SRGAP1: variants seen among roughly 807,000 people sequenced by gnomAD.
SRGAP1 encodes the protein SLIT-ROBO Rho GTPase activating protein 1, also known as SLIT-ROBO Rho GTPase-activating protein 1.
Under a neutral mutation model 121.9 loss-of-function variants are expected in SRGAP1, and 43 were observed. The observed-to-expected ratio is 0.35, with a 90% CI of 0.28 to 0.46. SRGAP1 has a LOEUF of 0.46. SRGAP1 is among the 20% of genes least tolerant of loss of function. SRGAP1 has a pLI of 1.00. For synonymous variants in SRGAP1, 447 were observed against 485.4 expected, an observed-to-expected ratio of 0.92 and a Z score of 1.04; for missense variants, 1,102 against 1,350.9, an observed-to-expected ratio of 0.82 and a Z score of 2.89.
intron 3 of SRGAP1, among the ~76,000 whole-genome samples, chr12:64,002,393 C>T (rs996225256): frequency 6.6e-6 from 1 of 152,186 alleles, no homozygotes; most frequent in African/African-American, 2.4e-5. Context: ...GTCTGTCCTG[C>T]TGCCACTTGG....
At chr12:63,954,552 C>T (rs1303412019) in intron 1 of SRGAP1, among the ~76,000 whole-genome samples, 1 of 151,798 alleles carries the variant, frequency 6.6e-6, no homozygotes, top group African/African-American at 2.4e-5. Context: ...GTGGTGGGTG[C>T]CTGTAGTCCC....
At chr12:63,892,961 G>A (rs573936064) in intron 1 of SRGAP1, among the ~76,000 whole-genome samples, 109 of 152,252 alleles carry the variant, frequency 7.2e-4, no homozygotes, top group Non-Finnish European at 1.3e-3. Flanking sequence ...CTATGCCCTT[G>A]ATTGCATGCC....
chr12:64,033,024 A>G (rs2034816546), intron 4 of SRGAP1, among the ~76,000 whole-genome samples: 1 of 151,998 alleles, frequency 6.6e-6, no homozygotes, highest in South Asian at 2.1e-4. Flanking sequence ...CCCAAAAAAG[A>G]AAAAAAATGC....
At chr12:64,103,061 C>T (rs2036284413) in intron 15 of SRGAP1, among the ~76,000 whole-genome samples, 1 of 152,194 alleles carries the variant, frequency 6.6e-6, no homozygotes, top group Non-Finnish European at 1.5e-5. Flanking sequence ...TCACAGCTCA[C>T]TGCAACCTCC....
intron 1 of SRGAP1, among the ~76,000 whole-genome samples, chr12:63,902,574 A>G (rs1324299454): frequency 2.0e-5 from 3 of 152,176 alleles, no homozygotes; most frequent in Admixed American, 6.5e-5. Flanking sequence ...TCTTCCCTAA[A>G]ATGATGGACT....
chr12:64,112,527 G>A (rs2036446614), intron 17 of SRGAP1, among the ~76,000 whole-genome samples: 1 of 151,988 alleles, frequency 6.6e-6, no homozygotes, highest in Non-Finnish European at 1.5e-5. Context: ...TTTTTAGCAT[G>A]GCAATATTGC....
At chr12:64,101,965 A>G (rs59329353) in intron 15 of SRGAP1, among the ~76,000 whole-genome samples, 7,271 of 152,306 alleles carry the variant, frequency 0.048, 317 homozygotes, top group South Asian at 0.13. Context: ...AATGCACAAA[A>G]GCACATAGAA....
intron 6 of SRGAP1, among the ~76,000 whole-genome samples, chr12:64,053,051 A>G (rs1469845187): frequency 6.6e-6 from 1 of 152,194 alleles, no homozygotes; most frequent in Admixed American, 6.6e-5. Context: ...AATGGCACAA[A>G]TATTGTACAG....
At chr12:63,945,678 G>C (rs1592968989) in intron 1 of SRGAP1, among the ~76,000 whole-genome samples, 1 of 152,178 alleles carries the variant, frequency 6.6e-6, no homozygotes, top group South Asian at 2.1e-4. Flanking sequence ...TGATGGGTTT[G>C]GTTGTTACTA....
chr12:63,861,287 C>CATATATAT (rs368154902), intron 1 of SRGAP1, among the ~76,000 whole-genome samples: 57 of 137,706 alleles, frequency 4.1e-4, no homozygotes, highest in East Asian at 1.6e-3. Context: ...GGATGGTAGG[C>CATATATAT]ATATATATAT....
chr12:64,139,592 GT>G (rs961817518), intron 21 of SRGAP1, among the ~76,000 whole-genome samples: 16 of 151,682 alleles, frequency 1.1e-4, no homozygotes, highest in East Asian at 1.9e-4. Context: ...GGGGTTGTTT[GT>G]TTTTTTCTTG....
At chr12:64,120,634 A>C (rs370994400) in intron 18 of SRGAP1, 3 of 152,250 alleles carry the variant, frequency 2.0e-5, no homozygotes, top group African/African-American at 4.8e-5. Flanking sequence ...ACTAGAGTGA[A>C]GTTCACTCTG....
rs377579781 is a variant in SRGAP1, at chr12:64,051,098, A to G, written c.801+7523A>G. 1.6e-4 allele frequency among the ~76,000 whole-genome samples: 24 copies of G among 152,190 alleles called. No homozygotes were observed. The South Asian group carries it at 2.9e-3, about 18-fold the overall frequency. ...AATGCCTCAGCTTCTGGATTTGTCTATTACCTCCTTATGTCATTTATCCTG... is the reference window on the plus strand; with the variant it reads ...AATGCCTCAGCTTCTGGATTTGTCTGTTACCTCCTTATGTCATTTATCCTG... On this transcript the variant is annotated intron_variant, in intron 6 of 21. Transcript: ENST00000355086.
At position 63,993,179 on chromosome 12, in the gene SRGAP1, C is replaced by T. The variant is rs1024076253; in HGVS notation, c.426+3107C>T. Among the ~76,000 whole-genome samples the T allele has an allele frequency of 1.3e-5, 2 of 151,910 alleles. 1 individual carries two copies. The highest frequency in any genetic ancestry group is 1.3e-4 in the Admixed American group (2 of 15,268). On this transcript the variant is annotated intron_variant, in intron 3 of 21. Transcript: ENST00000355086. ...ACCAAGTCCAAAGAATTCCAGGTCC[C>T]TTTAGATTAGAAAGTCTTTCCTGCC... is the stretch of plus-strand genomic sequence containing the variant.
intron 1 of SRGAP1, among the ~76,000 whole-genome samples, chr12:63,960,616 C>G (rs2032610522): frequency 6.6e-6 from 1 of 152,240 alleles, no homozygotes; most frequent in East Asian, 1.9e-4. Context: ...ATCCCTATCC[C>G]CAGAATCTGT....
rs553509649 is a variant in SRGAP1 at position 63,978,346 on chromosome 12, C to T, written c.68-5601C>T. ...TTTTTATTACCCTATAAAGAAACTT[C>T]GCACCCCTTAGCAGCCATTTTTCCC... On this transcript the variant is annotated intron_variant, in intron 1 of 21. Coordinates refer to ENST00000355086, the MANE Select transcript of SRGAP1 (RefSeq NM_020762.4). Among the ~76,000 whole-genome samples the T allele has an allele frequency of 2.2e-4, 34 of 152,290 alleles. 1 individual carries two copies. The highest frequency in any genetic ancestry group is 3.1e-4 in the Non-Finnish European group (21 of 68,020).
chr12:64,050,560 A>G (rs2136517450), intron 6 of SRGAP1, among the ~76,000 whole-genome samples: 1 of 152,274 alleles, frequency 6.6e-6, no homozygotes, highest in East Asian at 1.9e-4. Flanking sequence ...CTTCCATCTC[A>G]GTAGATTTTT....
At chr12:63,851,591 CT>C (rs568426197) in intron 1 of SRGAP1, among the ~76,000 whole-genome samples, 491 of 139,758 alleles carry the variant, frequency 3.5e-3, no homozygotes, top group Non-Finnish European at 3.4e-3. Context: ...TTCTTTCTTT[CT>C]TTTTTTTTTT....
intron 1 of SRGAP1, among the ~76,000 whole-genome samples, chr12:63,872,340 A>C (rs751919724): frequency 6.6e-6 from 1 of 152,200 alleles, no homozygotes; most frequent in Admixed American, 6.5e-5. Flanking sequence ...AGTCACCAAG[A>C]AGTGCATCCA....
Sources: gnomAD v4.1 joint callset for allele counts (sites outside exome capture counted in the v4.1 genomes callset) on GRCh38, gnomAD v4.1.1 for gene constraint, MANE v1.5 for transcripts, NCBI Gene and HGNC (gene_info 2026-07-23, HGNC 2026-07-21) for gene names.